Variants in SEM1 observed in about 807,000 individuals in gnomAD.
The protein encoded by SEM1 is 26S proteasome complex subunit SEM1.
A neutral mutation model predicts 12.7 loss-of-function variants in SEM1; 3 were observed. The observed-to-expected ratio is 0.24, with a 90% confidence interval of 0.11 to 0.61. SEM1 has a LOEUF of 0.61. Among genes scored for constraint, SEM1 ranks in the 20% least tolerant of loss-of-function variants. SEM1 has a pLI of 0.88. For synonymous variants in SEM1, 30 were observed against 27.8 expected (o/e 1.08, Z -0.25); for missense variants, 59 against 81.3 (o/e 0.73, Z 1.06).
chr7:96,485,713 T>G (rs1174753051), intron 2 of SEM1, among the ~76,000 whole-genome samples: 1 of 151,946 alleles, frequency 6.6e-6, no homozygotes. Flanking sequence ...CTGTATTTTC[T>G]GTATTCTTAA....
intron 2 of SEM1, among the ~76,000 whole-genome samples, chr7:96,646,919 C>T (rs1035029595): frequency 2.6e-5 from 4 of 152,174 alleles, no homozygotes; most frequent in Non-Finnish European, 5.9e-5. Flanking sequence ...ATCCTCCAGC[C>T]TTCATTGGTT....
At chr7:96,684,098 ACATC>A (rs1356632139), downstream of SEM1, among the ~76,000 whole-genome samples, 2 of 152,100 alleles carry the variant, frequency 1.3e-5, no homozygotes, top group Non-Finnish European at 2.9e-5. Flanking sequence ...AAGTTCAATG[ACATC>A]ATCAAAGAAT....
chr7:96,503,970 G>A (rs1378241626), intron 3 of SEM1, among the ~76,000 whole-genome samples: 1 of 152,134 alleles, frequency 6.6e-6, no homozygotes, highest in Non-Finnish European at 1.5e-5. Flanking sequence ...TATTGGGTTG[G>A]CCATGGAACC....
At chr7:96,597,243 G>A (rs965445508) in intron 2 of SEM1, among the ~76,000 whole-genome samples, 7 of 152,110 alleles carry the variant, frequency 4.6e-5, no homozygotes, top group African/African-American at 1.2e-4. Context: ...AGGAGTATAC[G>A]TGAAATAATG....
At chr7:96,494,375 T>C (rs551217590) in intron 1 of SEM1, among the ~76,000 whole-genome samples, 1 of 152,350 alleles carries the variant, frequency 6.6e-6, no homozygotes, top group South Asian at 2.1e-4. Context: ...TTTGAAATGT[T>C]CTTACTACTG....
chr7:96,541,698 G>C (rs1804960692), intron 2 of SEM1, among the ~76,000 whole-genome samples: 1 of 151,338 alleles, frequency 6.6e-6, no homozygotes, highest in African/African-American at 2.4e-5. Flanking sequence ...TGTTTTCTAG[G>C]TTTTCATCTG....
intron 1 of SEM1, among the ~76,000 whole-genome samples, chr7:96,701,347 G>A (rs1007013478): frequency 1.6e-4 from 24 of 151,980 alleles, no homozygotes; most frequent in Non-Finnish European, 3.5e-4. Flanking sequence ...GGGCTCCCAT[G>A]ATGGGATTAG....
chr7:96,588,200 T>C (rs1371507232), intron 2 of SEM1, among the ~76,000 whole-genome samples: 1 of 151,006 alleles, frequency 6.6e-6, no homozygotes, highest in Non-Finnish European at 1.5e-5. Context: ...GACAAAAAAT[T>C]TAAAAATTAG....
At chr7:96,677,682 A>G (rs1789488354) in intron 2 of SEM1, among the ~76,000 whole-genome samples, 1 of 152,070 alleles carries the variant, frequency 6.6e-6, no homozygotes, top group African/African-American at 2.4e-5. Flanking sequence ...CTGAATGGAC[A>G]GTTTTCCTCA....
At position 96,692,070 on chromosome 7, in the gene SEM1, G is replaced by A. The variant is rs528308859; in HGVS notation, c.170+2728C>T. Among the ~76,000 whole-genome samples, 5 of 152,196 alleles carry A rather than the reference G, an allele frequency of 3.3e-5. No individual in the cohort carries two copies. In the South Asian group the frequency reaches 1.0e-3, roughly 32 times the overall value. ...ACCTATAGAAATCCACAAACCTAAA[G>A]GCAGAAACACAAGAGTACATAATGG... On this transcript the variant is annotated intron_variant, in intron 2 of 2. Transcript: ENST00000248566.
At chr7:96,508,288 A>G (rs1004832678) in intron 2 of SEM1, among the ~76,000 whole-genome samples, 1 of 152,142 alleles carries the variant, frequency 6.6e-6, no homozygotes, top group Non-Finnish European at 1.5e-5. Flanking sequence ...TGCTCATATG[A>G]TACAAATTTA....
In SEM1 at chr7:96,542,911, TG is replaced by T. The variant is rs1267741822; in HGVS notation, c.171-36214del. 2.0e-5 allele frequency among the ~76,000 whole-genome samples: 3 copies of T among 152,038 alleles called. No homozygotes were observed. In the East Asian group the frequency reaches 5.8e-4, roughly 29 times the overall value. On this transcript the variant is annotated intron_variant and NMD_transcript_variant, in intron 2 of 3. Transcript: ENST00000466986. Reference sequence around the variant, plus strand: ...AGAGCAAAACAAACAAATAAAACAATGGCAAAATTACCCTACAATGTAAATT... The same window carrying T: ...AGAGCAAAACAAACAAATAAAACAATGCAAAATTACCCTACAATGTAAATT...
At position 96,709,844 on chromosome 7, in the gene SEM1, A is replaced by T. The variant is rs1024163002; in HGVS notation, c.-81T>A. On this transcript the variant is annotated 5_prime_UTR_variant, in exon 1 of 3. Transcript: ENST00000248566. ...TCTTCCTCAAGGAAACGCCACCGTCACTACCGCCTCCGACGCTGACGCTAC... is the reference window on the plus strand; with the variant it reads ...TCTTCCTCAAGGAAACGCCACCGTCTCTACCGCCTCCGACGCTGACGCTAC... The T allele has an allele frequency of 1.5e-5, 20 of 1,316,182 alleles. No individual in the cohort carries two copies. The African/African-American group carries it at 2.5e-4, about 16-fold the overall frequency. The allele number at this position is 1,316,182 out of a possible 1,614,324, so 81.5% of individuals were successfully genotyped here. A position where few individuals can be genotyped will look rare whatever the true frequency, so the allele number is the denominator to read the frequency against.
At chr7:96,561,320 T>C (rs1805685773) in intron 2 of SEM1, among the ~76,000 whole-genome samples, 1 of 152,190 alleles carries the variant, frequency 6.6e-6, no homozygotes. Flanking sequence ...TGCCACCTAC[T>C]TCTCCACCAG....
At chr7:96,622,592 C>G in exon 3 of SEM1, 1 of 764,750 alleles carries the variant, frequency 1.3e-6, no homozygotes, top group Non-Finnish European at 2.4e-6. Flanking sequence ...AAGCCTGACT[C>G]CTGAGTATTG....
intron 1 of SEM1, among the ~76,000 whole-genome samples, chr7:96,700,255 G>C (rs1166372967): frequency 6.6e-6 from 1 of 152,160 alleles, no homozygotes; most frequent in Non-Finnish European, 1.5e-5. Flanking sequence ...GAGGTGAGTA[G>C]AGAAACATGT....
At position 96,641,475 on chromosome 7, in the gene SEM1, T is replaced by C. The variant is rs528234161; in HGVS notation, c.171-18832A>G. On this transcript the variant is annotated intron_variant, in intron 2 of 2. Coordinates refer to the SEM1 transcript ENST00000417009. ...AATAATGAAAGCATGGAAATGGAAA[T>C]CTAGGAGCTTTTCCCTGAGCACAAG... Among the ~76,000 whole-genome samples the C allele has an allele frequency of 2.2e-3, 338 of 152,164 alleles. 3 individuals are homozygous for C. The highest frequency in any genetic ancestry group is 7.8e-3 in the African/African-American group (326 of 41,552).
chr7:96,620,799 C>A (rs1180633451), downstream of SEM1, among the ~76,000 whole-genome samples: 1 of 152,178 alleles, frequency 6.6e-6, no homozygotes, highest in East Asian at 1.9e-4. Context: ...TCTCCCCTCC[C>A]ATTGTCTGTT....
chr7:96,593,472 T>C (rs1444225196), intron 2 of SEM1, among the ~76,000 whole-genome samples: 1 of 152,184 alleles, frequency 6.6e-6, no homozygotes, highest in Non-Finnish European at 1.5e-5. Context: ...AACTAATTTT[T>C]TGGTATGTTG....
Sources: gnomAD v4.1 joint callset for allele counts (sites outside exome capture counted in the v4.1 genomes callset) on GRCh38, gnomAD v4.1.1 for gene constraint, MANE v1.5 for transcripts, NCBI Gene and HGNC (gene_info 2026-07-23, HGNC 2026-07-21) for gene names.